DNAH9: variants seen among roughly 807,000 people sequenced by gnomAD.
DNAH9 encodes dynein axonemal heavy chain 9.
Under a neutral mutation model 471.6 loss-of-function variants are expected in DNAH9, and 345 were observed. The ratio of observed to expected loss-of-function variants is 0.73; its 90% CI spans 0.67 to 0.80. The LOEUF is 0.80. Among genes scored for constraint, DNAH9 ranks in the 30% least tolerant of loss-of-function variants. DNAH9 has a pLI of 0.00. For missense variants in DNAH9, 5,407 were observed against 5,609.2 expected, an observed-to-expected ratio of 0.96 and a Z score of 1.15; for synonymous variants, 2,093 against 2,123.6, an observed-to-expected ratio of 0.99 and a Z score of 0.40.
chr17:11,599,019 A>AAG (rs2072327485), intron 1 of DNAH9, 104 bp downstream of exon 1: 1 of 953,666 alleles, frequency 1.0e-6, no homozygotes, highest in Non-Finnish European at 1.4e-6. Flanking sequence ...GCGAAGCTGC[A>AAG]GGGGAGGTCC....
intron 50 of DNAH9, among the ~76,000 whole-genome samples, chr17:11,858,941 C>T (rs182453110): frequency 1.5e-3 from 222 of 151,900 alleles, no homozygotes; most frequent in South Asian, 5.4e-3. Flanking sequence ...AAAATTAACC[C>T]GGCGTGGTGG....
intron 17 of DNAH9, among the ~76,000 whole-genome samples, chr17:11,671,278 A>G (rs1424009343): frequency 6.6e-6 from 1 of 152,184 alleles, no homozygotes; most frequent in Non-Finnish European, 1.5e-5. Flanking sequence ...CCATAAAAAG[A>G]TAGGTTATTA....
chr17:11,749,063 GGTTTTTT>G (rs1967031392), intron 32 of DNAH9, among the ~76,000 whole-genome samples: 1 of 25,540 alleles, frequency 3.9e-5, no homozygotes, highest in African/African-American at 9.2e-5. Context: ...TTTTTAAGAG[GGTTTTTT>G]TTTGTTTTTT....
Position 11,669,687 on chromosome 17 carries a change from C to A in DNAH9, c.3246C>A (p.Asp1082Glu), listed in dbSNP as rs374619249. The A allele has an allele frequency of 6.2e-7, 1 of 1,614,034 alleles. No individual in the cohort carries two copies. Residue 1082 changes from aspartate to glutamate, a missense_variant, in exon 17 of 69, where the codon GAC becomes GAA. By Grantham distance (45) the Asp-to-Glu change is conservative. This residue lies in a region of DNAH9 where 4,636 missense variants were observed against 4,900.3 expected (regional missense o/e 0.95). Coordinates refer to ENST00000262442, the MANE Select transcript of DNAH9 (RefSeq NM_001372.4). The part of the protein sequence containing the change: ...VCRLEPIKVF[D>E]GWMKIDIRPF... ...GGCTGGAACCCATCAAGGTGTTTGA[C>A]GGCTGGATGAAAATTGATATTCGAC...
In DNAH9 at chr17:11,598,525, G is replaced by A. The variant is rs755465095; in HGVS notation, c.27G>A (p.Ala9=). ...TGCGGCTCGCGGAGGAGCGGGCCGCGCTCGCGGCGGAGAACGCGGATGGGG... is the reference window on the plus strand; with the variant it reads ...TGCGGCTCGCGGAGGAGCGGGCCGCACTCGCGGCGGAGAACGCGGATGGGG... MRLAEERA[A]LAAENADGEP... Residue 9 remains alanine, a synonymous_variant, in exon 1 of 69, where the codon GCG becomes GCA. Transcript: ENST00000262442. 2 of 1,394,476 alleles carry A rather than the reference G, an allele frequency of 1.4e-6. No individual in the cohort carries two copies. The highest frequency in any genetic ancestry group is 1.6e-5 in the South Asian group (1 of 62,426). 86.4% of individuals were successfully genotyped at this position (1,394,476 alleles called of 1,614,324 possible). A position where few individuals can be genotyped will look rare whatever the true frequency, so the allele number is the denominator to read the frequency against.
At chr17:11,745,171 GTTGT>G in intron 31 of DNAH9, 87 bp downstream of exon 31, 1 of 1,191,468 alleles carries the variant, frequency 8.4e-7, no homozygotes. Context: ...AATCCAAAGG[GTTGT>G]TTTAGATGTA....
intron 35 of DNAH9, among the ~76,000 whole-genome samples, chr17:11,761,721 T>C (rs1185045557): frequency 6.6e-6 from 1 of 152,054 alleles, no homozygotes; most frequent in African/African-American, 2.4e-5. Context: ...GCAAGAGTCC[T>C]TCACCAACTC....
chr17:11,695,054 A>AT (rs1325948330), intron 22 of DNAH9, among the ~76,000 whole-genome samples: 2 of 149,604 alleles, frequency 1.3e-5, no homozygotes, highest in Admixed American at 6.7e-5. Context: ...ATGCCGACTG[A>AT]TTTTTTTTGT....
At chr17:11,650,992 T>C (rs1300658815) in intron 12 of DNAH9, 77 bp from the exon 13 acceptor site, 2 of 1,462,732 alleles carry the variant, frequency 1.4e-6, no homozygotes, top group Admixed American at 4.0e-5. Context: ...CTCCTGGGAT[T>C]GTCCAGTCTT....
intron 17 of DNAH9, among the ~76,000 whole-genome samples, chr17:11,675,966 A>AT (rs1383131242): frequency 6.6e-6 from 1 of 150,798 alleles, no homozygotes; most frequent in African/African-American, 2.4e-5. Flanking sequence ...AATTCTTCTT[A>AT]TTTTTTCTCC....
At chr17:11,889,494 T>C (rs1168073726) in intron 57 of DNAH9, among the ~76,000 whole-genome samples, 4 of 147,362 alleles carry the variant, frequency 2.7e-5, no homozygotes, top group East Asian at 2.0e-4. Flanking sequence ...GCTGCCCCCC[T>C]AGATTGGCAT....
At chr17:11,805,260 AC>A (rs1969623811) in intron 43 of DNAH9, among the ~76,000 whole-genome samples, 1 of 152,046 alleles carries the variant, frequency 6.6e-6, no homozygotes, top group Non-Finnish European at 1.5e-5. Flanking sequence ...GAAACTTCAA[AC>A]CACAGAGGCT....
rs1479680104 is a variant in DNAH9, at chr17:11,677,038, TTTGCC to T, written c.3354-2716_3354-2712del. Among the ~76,000 whole-genome samples the T allele has an allele frequency of 2.6e-5, 4 of 152,200 alleles. No individual in the cohort carries two copies. The East Asian group carries it at 7.7e-4, about 29-fold the overall frequency. ...AACAAGCTTCTGAAATTTGTTAAAG[TTTGCC>T]TTATTCAATATAGTATATTCAGTTC... On this transcript the variant is annotated intron_variant, in intron 17 of 68. Coordinates refer to ENST00000262442, the MANE Select transcript of DNAH9 (RefSeq NM_001372.4).
At chr17:11,665,995 C>T (rs533354054) in intron 15 of DNAH9, among the ~76,000 whole-genome samples, 2 of 152,246 alleles carry the variant, frequency 1.3e-5, no homozygotes, top group Admixed American at 6.5e-5. Context: ...AGGTGTTAGG[C>T]ATGGTCTTTG....
chr17:11,883,015 G>A, intron 55 of DNAH9: 1 of 985,764 alleles, frequency 1.0e-6, no homozygotes, highest in African/African-American at 1.7e-5. Context: ...ACAGCTGCCT[G>A]AAGTTAGTGC....
At chr17:11,811,275 C>T (rs560376170) in intron 45 of DNAH9, among the ~76,000 whole-genome samples, 5 of 151,606 alleles carry the variant, frequency 3.3e-5, no homozygotes, top group Admixed American at 6.6e-5. Context: ...ATCATGCCAC[C>T]GCACTCCAGC....
intron 27 of DNAH9, among the ~76,000 whole-genome samples, chr17:11,721,182 A>T (rs528783444): frequency 6.6e-6 from 1 of 152,218 alleles, no homozygotes; most frequent in Non-Finnish European, 1.5e-5. Flanking sequence ...ACTCAATTCT[A>T]TCAAAACCAA....
intron 68 of DNAH9, among the ~76,000 whole-genome samples, chr17:11,965,497 A>G (rs1014964877): frequency 7.2e-5 from 11 of 152,338 alleles, no homozygotes; most frequent in Non-Finnish European, 1.5e-4. Context: ...GAGAGAGAAT[A>G]TGATTTGCAG....
At chr17:11,685,259 A>G (rs556120540) in intron 19 of DNAH9, among the ~76,000 whole-genome samples, 1 of 152,172 alleles carries the variant, frequency 6.6e-6, no homozygotes, top group African/African-American at 2.4e-5. Context: ...GGGAAAAAAA[A>G]CAGTTACAAA....
Sources: gnomAD v4.1 joint callset for allele counts (sites outside exome capture counted in the v4.1 genomes callset) on GRCh38, gnomAD v4.1.1 for gene constraint, gnomAD v4.1.1 regional missense constraint, MANE v1.5 for transcripts, NCBI Gene and HGNC (gene_info 2026-07-23, HGNC 2026-07-21) for gene names.